The following NSMF variants were observed in gnomAD, a reference collection of about 807,000 sequenced individuals.
NSMF encodes NMDA receptor synaptonuclear signaling and neuronal migration factor, also known as nasal embryonic LHRH factor.
A neutral mutation model predicts 71.0 loss-of-function variants in NSMF; 31 were observed. The ratio of observed to expected loss-of-function variants is 0.44; its 90% confidence interval spans 0.33 to 0.59. NSMF has a LOEUF of 0.59. Among genes scored for constraint, NSMF ranks in the 20% least tolerant of loss-of-function variants. The pLI is 0.04. For missense variants in NSMF, 673 were observed against 740.5 expected (o/e 0.91, Z 1.06); for synonymous variants, 345 against 287.1 (o/e 1.20, Z -2.04).
intron 12 of NSMF, 98 bp from the exon 13 acceptor site, chr9:137,450,353 T>C: frequency 1.1e-6 from 1 of 943,578 alleles, no homozygotes; most frequent in South Asian, 1.3e-5. Context: ...TTGGTCTTCA[T>C]CCCCCGGCCA....
intron 14 of NSMF, 108 bp from the exon 15 acceptor site, chr9:137,449,782 G>C: frequency 7.6e-7 from 1 of 1,315,760 alleles, no homozygotes; most frequent in Non-Finnish European, 1.1e-6. Flanking sequence ...CCCCAAACCT[G>C]GCTGGGCTCA....
rs1379099723 is a variant in NSMF at position 137,456,408 on chromosome 9, C to CA, written c.704+2dup. 6.2e-7 allele frequency: 1 copy of CA among 1,611,528 alleles called. No individual in the cohort carries two copies. ...GACCCCAAGTCGTGGGCACAAGACT[C>CA]ACGCTTGCATAGTTGTGGTTGCTGT... On this transcript the variant is annotated splice_region_variant and intron_variant, in intron 4 of 15. Transcript: ENST00000371475.
rs1830618124 is a variant in NSMF at position 137,453,006 on chromosome 9, G to A, written c.1047+50C>T. On this transcript the variant is annotated intron_variant, in intron 9 of 15. Coordinates refer to ENST00000371475, the MANE Select transcript of NSMF (RefSeq NM_001130969.3). The surrounding 1 kb of genome is among the most constrained non-coding windows in gnomAD (Gnocchi z 4.5). The stretch of plus-strand genomic sequence containing the variant: ...CAGAGCTGGCTGGACTCGGGTTGGG[G>A]CGGAGTCCTGCTCGGGGTGTAGAGG... 2 of 1,609,076 alleles carry A rather than the reference G, an allele frequency of 1.2e-6. No homozygotes were observed. Among genetic ancestry groups the A allele is most frequent in the South Asian group, 1.1e-5 (1 of 90,974 alleles).
Position 137,450,186 on chromosome 9 carries a change from C to T in NSMF, c.1306G>A (p.Asp436Asn), listed in dbSNP as rs1294314660. Residue 436 changes from aspartate to asparagine, a missense_variant, in exon 13 of 16, where the codon GAC (aspartate) becomes AAC (asparagine). This residue lies in a region of NSMF where 202 missense variants were observed against 280.8 expected (regional missense o/e 0.72). Transcript: ENST00000371475. ...CACCCGGCTTCTCACTGAATCATGT[C>T]CTCTTCCTTCTCCACTTTGGCAAAG... Reference protein sequence around the residue: ...ATFAKVEKEEDMIHFWKRLSR... With the variant: ...ATFAKVEKEENMIHFWKRLSR... 6.2e-7 allele frequency: 1 copy of T among 1,613,418 alleles called. No homozygotes were observed. The highest frequency in any genetic ancestry group is 2.2e-5 in the East Asian group (1 of 44,874).
chr9:137,453,721 G>C lies in NSMF; in HGVS notation c.922+10C>G. ...TGGGGAAGGTGGGCGGGCCTGTGCGGGGCACCTACTGTCTCGGGAGTCGTG... is the reference window on the plus strand; with the variant it reads ...TGGGGAAGGTGGGCGGGCCTGTGCGCGGCACCTACTGTCTCGGGAGTCGTG... On this transcript the variant is annotated intron_variant, in intron 8 of 15. Transcript: ENST00000371475. The surrounding 1 kb of genome is among the most constrained non-coding windows in gnomAD (Gnocchi z 4.5). 6.3e-7 allele frequency: 1 copy of C among 1,595,986 alleles called. No homozygotes were observed. The highest frequency in any genetic ancestry group is 8.5e-7 in the Non-Finnish European group (1 of 1,174,690).
Position 137,453,792 on chromosome 9 carries a change from G to T in NSMF, c.861C>A (p.Phe287Leu). 6.3e-7 allele frequency: 1 copy of T among 1,598,618 alleles called. No homozygotes were observed. Residue 287 changes from phenylalanine to leucine, a missense_variant, in exon 8 of 16, where the codon TTC becomes TTA. Physicochemically the swap from Phe to Leu is conservative, Grantham distance 22 (BLOSUM62 0). Coordinates refer to ENST00000371475, the MANE Select transcript of NSMF (RefSeq NM_001130969.3). The surrounding 1 kb of genome is among the most constrained non-coding windows in gnomAD (Gnocchi z 4.5). Reference protein sequence around the residue: ...QTFAERRERSFSRSWSDPTPM... With the variant: ...QTFAERRERSLSRSWSDPTPM... Reference sequence around the variant, plus strand: ...GGGTGGGGTCGCTCCAGGACCGGCTGAAGCTCCGCTCGCGCCGCTCAGCGA... The same window carrying T: ...GGGTGGGGTCGCTCCAGGACCGGCTTAAGCTCCGCTCGCGCCGCTCAGCGA...
In NSMF at chr9:137,453,913, G is replaced by A; in HGVS notation, c.833-93C>T. Reference sequence around the variant, plus strand: ...GAGGGGACCACAGGGGCCCTGGGCAGAGGAGGAAGCTAATGTGGGTGGGGT... The same window carrying A: ...GAGGGGACCACAGGGGCCCTGGGCAAAGGAGGAAGCTAATGTGGGTGGGGT... On this transcript the variant is annotated intron_variant, in intron 7 of 15. Transcript: ENST00000371475. The surrounding 1 kb of genome is among the most constrained non-coding windows in gnomAD (Gnocchi z 4.5). The A allele has an allele frequency of 2.7e-6, 3 of 1,095,100 alleles. No individual in the cohort carries two copies. The South Asian group carries it at 4.0e-5, about 15-fold the overall frequency. The allele number at this position is 1,095,100 out of a possible 1,614,324, so 67.8% of individuals were successfully genotyped here.
In NSMF at chr9:137,453,820, G is replaced by A. The variant is rs917195628; in HGVS notation, c.833C>T (p.Thr278Met). ...MVGSRRVKAQTFAERRERSFS... is the reference protein window; with the variant it reads ...MVGSRRVKAQMFAERRERSFS... Reference sequence around the variant, plus strand: ...GCTCCGCTCGCGCCGCTCAGCGAACGCTGCAGAGAGCAAAACCCGCATTAG... The same window carrying A: ...GCTCCGCTCGCGCCGCTCAGCGAACACTGCAGAGAGCAAAACCCGCATTAG... The change falls in exon 8 of 16, where the codon ACG becomes ATG. Residue 278 changes from threonine to methionine, a missense_variant and splice_region_variant. Thr to Met is a moderately conservative substitution (Grantham distance 81, BLOSUM62 -1). Coordinates refer to ENST00000371475, the MANE Select transcript of NSMF (RefSeq NM_001130969.3). This position sits in a 1 kb window ranked among gnomAD's most constrained non-coding sequence, Gnocchi z 4.5. 1.3e-6 allele frequency: 2 copies of A among 1,586,120 alleles called. No individual in the cohort carries two copies. Among genetic ancestry groups the A allele is most frequent in the Non-Finnish European group, 1.7e-6 (2 of 1,173,336 alleles).
intron 9 of NSMF, 108 bp downstream of exon 9, chr9:137,452,948 C>A: frequency 6.3e-7 from 1 of 1,580,448 alleles, no homozygotes; most frequent in Non-Finnish European, 8.6e-7. Flanking sequence ...ACACCCTCCC[C>A]CAGGCAGCTG....
In NSMF at chr9:137,459,076, C is replaced by A; in HGVS notation, c.27G>T (p.Arg9Ser). Residue 9 changes from arginine to serine, a missense_variant, in exon 1 of 16, where the codon AGG becomes AGT. By Grantham distance (110) the Arg-to-Ser change is moderately radical. Around this residue, in one of 2 missense-constraint regions of NSMF, gnomAD observed 471 missense variants for 459.6 expected, o/e 1.02. Transcript: ENST00000371475. MGAAASRR[R>S]ALRSEAMSSV... ...AGGACATGGCCTCGCTCCTCAGCGC[C>A]CTCCTCCTGGAGGCGGCGGCGCCCA... 1 of 1,270,064 alleles carries A rather than the reference C, an allele frequency of 7.9e-7. No homozygotes were observed. Among genetic ancestry groups the A allele is most frequent in the Non-Finnish European group, 1.0e-6 (1 of 1,004,582 alleles). 78.7% of individuals were successfully genotyped at this position (1,270,064 alleles called of 1,614,324 possible).
At position 137,457,552 on chromosome 9, in the gene NSMF, G is replaced by A. The variant is rs1250937345; in HGVS notation, c.483C>T (p.Arg161=). The A allele has an allele frequency of 1.3e-6, 2 of 1,592,026 alleles. No individual in the cohort carries two copies. Among genetic ancestry groups the A allele is most frequent in the Non-Finnish European group, 1.7e-6 (2 of 1,170,054 alleles). ...ATCCGGGGCACTCCTTGGAGCCCTG[G>A]CGGCTGCCCGCCCAGCTCTGGCAGG... ...SRPCQSWAGS[R]QGSKECPGCA... Residue 161 remains arginine (R), a synonymous_variant, in exon 3 of 16, where the codon CGC becomes CGT. Transcript: ENST00000371475.
intron 6 of NSMF, 35 bp from the exon 7 acceptor site, chr9:137,454,478 G>A (rs1830730801): frequency 5.2e-6 from 8 of 1,549,846 alleles, no homozygotes; most frequent in Non-Finnish European, 7.0e-6. Flanking sequence ...AGAGGGCCGT[G>A]AGAGGGTGAC....
chr9:137,453,650 C>A lies in NSMF; in HGVS notation c.922+81G>T, dbSNP rs776548489. On this transcript the variant is annotated intron_variant, in intron 8 of 15. Transcript: ENST00000371475. This position sits in a 1 kb window ranked among gnomAD's most constrained non-coding sequence, Gnocchi z 4.5. Reference sequence around the variant, plus strand: ...GAGTGCAAAAGCGCAGCCCAGCGGCCCTGGCAGGGGACCCCCAGCAGGGGT... The same window carrying A: ...GAGTGCAAAAGCGCAGCCCAGCGGCACTGGCAGGGGACCCCCAGCAGGGGT... The A allele has an allele frequency of 6.7e-5, 76 of 1,132,230 alleles. No individual in the cohort carries two copies. Among genetic ancestry groups the A allele is most frequent in the Non-Finnish European group, 5.7e-5 (46 of 802,942 alleles). The allele number at this position is 1,132,230 out of a possible 1,614,324, so 70.1% of individuals were successfully genotyped here.
chr9:137,457,902 C>T lies in NSMF; in HGVS notation c.134-1G>A. 1.3e-6 allele frequency: 2 copies of T among 1,542,064 alleles called. No individual in the cohort carries two copies. The highest frequency in any genetic ancestry group is 1.7e-6 in the Non-Finnish European group (2 of 1,148,434). On this transcript the variant is annotated splice_acceptor_variant, in intron 2 of 15. Transcript: ENST00000371475. LOFTEE classifies it high-confidence loss of function. ...GAGTAGGCATCAGCCAGCAGGTGAT[C>T]TAGGAGAGACACTGAGTGAGCCTGC... is the stretch of plus-strand genomic sequence containing the variant.
chr9:137,449,548 A>G (rs1211185147), intron 15 of NSMF, 51 bp downstream of exon 15: 2 of 1,610,870 alleles, frequency 1.2e-6, no homozygotes, highest in Non-Finnish European at 1.7e-6. Context: ...ATCCCACCCC[A>G]CCGTGGCCCC....
In NSMF at chr9:137,450,267, T is replaced by C; in HGVS notation, c.1237-12A>G. ...TGTCCAGGACCTCCCTGTAAGAAGCTGTGGTCAGGCATCTGCTCCTCCTTC... is the reference window on the plus strand; with the variant it reads ...TGTCCAGGACCTCCCTGTAAGAAGCCGTGGTCAGGCATCTGCTCCTCCTTC... On this transcript the variant is annotated splice_polypyrimidine_tract_variant and intron_variant, in intron 12 of 15. Coordinates refer to ENST00000371475, the MANE Select transcript of NSMF (RefSeq NM_001130969.3). 1.2e-6 allele frequency: 2 copies of C among 1,609,496 alleles called. No individual in the cohort carries two copies. The highest frequency in any genetic ancestry group is 2.2e-5 in the South Asian group (2 of 91,018).
At position 137,457,442 on chromosome 9, in the gene NSMF, T is replaced by C; in HGVS notation, c.593A>G (p.Lys198Arg). 1 of 1,612,846 alleles carries C rather than the reference T, an allele frequency of 6.2e-7. No individual in the cohort carries two copies. Among genetic ancestry groups the C allele is most frequent in the Non-Finnish European group, 8.5e-7 (1 of 1,179,976 alleles). Reference protein sequence around the residue: ...PLPETSGRRKKLERMYSVDRV... With the variant: ...PLPETSGRRKRLERMYSVDRV... ...GTCAACGCTGTACATCCTCTCCAGC[T>C]TCTTGCGGCGACCGGAGGTCTCAGG... is the stretch of plus-strand genomic sequence containing the variant. Residue 198 changes from lysine to arginine, a missense_variant, in exon 3 of 16, where the codon AAG becomes AGG. Lys to Arg is a conservative substitution (Grantham distance 26). Coordinates refer to ENST00000371475, the MANE Select transcript of NSMF (RefSeq NM_001130969.3).
At position 137,455,400 on chromosome 9, in the gene NSMF, G is replaced by T. The variant is rs972702627; in HGVS notation, c.711-93C>A. The T allele has an allele frequency of 6.3e-5, 90 of 1,430,806 alleles. No individual in the cohort carries two copies. The African/African-American group carries it at 1.2e-3, about 19-fold the overall frequency. The allele number at this position is 1,430,806 out of a possible 1,614,324, so 88.6% of individuals were successfully genotyped here. The stretch of plus-strand genomic sequence containing the variant: ...TGGTGCGAGCAGAGGGCCCAGCAGG[G>T]CGTCTGGGGCACGGGGCCCGGCAGA... On this transcript the variant is annotated intron_variant, in intron 5 of 15. Transcript: ENST00000371475.
Position 137,453,745 on chromosome 9 carries a change from T to C in NSMF, c.908A>G (p.His303Arg). ...DPTPMKADTS[H>R]DSRDSSDLQS... is the part of the protein sequence containing the mutation. ...GGGGCACCTACTGTCTCGGGAGTCG[T>C]GGGAAGTGTCGGCTTTCATGGGGGT... Residue 303 changes from histidine to arginine, a missense_variant, in exon 8 of 16, where the codon CAC (histidine) becomes CGC (arginine). His to Arg is a conservative substitution (Grantham distance 29). This residue lies in a region of NSMF where 471 missense variants were observed against 459.6 expected (regional missense o/e 1.02). Transcript: ENST00000371475. This position sits in a 1 kb window ranked among gnomAD's most constrained non-coding sequence, Gnocchi z 4.5. The C allele has an allele frequency of 1.2e-6, 2 of 1,600,960 alleles. No homozygotes were observed. Among genetic ancestry groups the C allele is most frequent in the Non-Finnish European group, 8.5e-7 (1 of 1,177,898 alleles).
Sources: allele counts gnomAD v4.1 joint callset, GRCh38; gene constraint gnomAD v4.1.1; regional missense constraint gnomAD v4.1.1; non-coding constraint Gnocchi (gnomAD v3.1); transcripts MANE v1.5; gene names NCBI Gene and HGNC (gene_info 2026-07-23, HGNC 2026-07-21).